VCL: variants seen among roughly 807,000 people sequenced by gnomAD.
The protein encoded by VCL is vinculin.
VCL carries 47 observed loss-of-function variants against 125.7 expected under a neutral mutation model. The observed-to-expected ratio is 0.37, with a 90% CI of 0.30 to 0.48. The LOEUF (loss-of-function observed/expected upper bound fraction) is 0.48, where lower values mean the gene tolerates loss of function less well. Ranked by LOEUF, VCL falls within the 20% of genes least tolerant of loss-of-function variation. VCL has a pLI of 0.99. For synonymous variants in VCL, 458 were observed against 514.6 expected (o/e 0.89, Z 1.49); for missense variants, 1,069 against 1,455.5 (o/e 0.73, Z 4.32).
chr10:74,018,201 T>TATATATATATATATATATATAA (rs1433937715), intron 1 of VCL, among the ~76,000 whole-genome samples: 80 of 139,740 alleles, frequency 5.7e-4, no homozygotes, highest in Middle Eastern at 3.7e-3. Flanking sequence ...TATATATATA[T>TATATATATATATATATATATAA]AAATACATAT....
Position 74,094,292 on chromosome 10 carries a change from G to A in VCL, c.1374G>A (p.Glu458=). 1 of 1,614,206 alleles carries A rather than the reference G, an allele frequency of 6.2e-7. No individual in the cohort carries two copies. The highest frequency in any genetic ancestry group is 8.5e-7 in the Non-Finnish European group (1 of 1,180,046). The part of the protein sequence containing the change: ...LRRQGKGDSP[E]ARALAKQVAT... ...GTAGGGGGAAAGGAGATTCTCCAGAGGCTCGAGCCTTGGCCAAACAGGTGG... is the reference window on the plus strand; with the variant it reads ...GTAGGGGGAAAGGAGATTCTCCAGAAGCTCGAGCCTTGGCCAAACAGGTGG... Residue 458 remains glutamate (E), a synonymous_variant, in exon 11 of 22, where the codon GAG becomes GAA. Transcript: ENST00000211998.
intron 1 of VCL, among the ~76,000 whole-genome samples, chr10:74,032,990 AAC>A (rs1427926069): frequency 6.6e-6 from 1 of 152,208 alleles, no homozygotes; most frequent in East Asian, 1.9e-4. Context: ...CAAATGGTTA[AAC>A]ATAGAGATAC....
chr10:74,035,566 C>A (rs947563564), intron 1 of VCL, among the ~76,000 whole-genome samples: 1 of 152,176 alleles, frequency 6.6e-6, no homozygotes, highest in African/African-American at 2.4e-5. Flanking sequence ...TCTCTTCCCA[C>A]CACCTAGTGG....
rs760340545 is a variant in VCL, at chr10:74,072,822, G to A, written c.592G>A (p.Val198Met). The A allele has an allele frequency of 1.1e-5, 18 of 1,614,008 alleles. No homozygotes were observed. The highest frequency in any genetic ancestry group is 8.3e-5 in the Admixed American group (5 of 60,004). The stretch of plus-strand genomic sequence containing the variant: ...GATGTTGGTGAACTCGATGAACACC[G>A]TGAAAGAGTTGCTGCCAGTTCTCAT... ...RVMLVNSMNT[V>M]KELLPVLISA... The change falls in exon 5 of 22, where the codon GTG (valine) becomes ATG (methionine). Residue 198 changes from valine (V) to methionine (M), a missense_variant. By Grantham distance (21) the Val-to-Met change is conservative. Around this residue, in one of 6 missense-constraint regions of VCL, gnomAD observed 760 missense variants for 928.9 expected, o/e 0.82. Coordinates refer to ENST00000211998, the MANE Select transcript of VCL (RefSeq NM_014000.3).
intron 1 of VCL, among the ~76,000 whole-genome samples, chr10:74,004,510 G>A (rs1176481126): frequency 1.3e-5 from 2 of 152,118 alleles, no homozygotes; most frequent in Non-Finnish European, 2.9e-5. Context: ...TTAAATATCA[G>A]TGGAGGTTTC....
chr10:74,107,304 C>A lies in VCL; in HGVS notation c.2509C>A (p.Pro837Thr). ...AVAKVREAFQ[P>T]QEPDFPPPPP... ...GGCCAAGGTCAGAGAAGCCTTCCAACCTCAGGAGCCTGACTTCCCGCCGCC... is the reference window on the plus strand; with the variant it reads ...GGCCAAGGTCAGAGAAGCCTTCCAAACTCAGGAGCCTGACTTCCCGCCGCC... The change falls in exon 17 of 22, where the codon CCT (proline) becomes ACT (threonine). Residue 837 changes from proline (P) to threonine (T), a missense_variant. This residue lies in a region of VCL where 760 missense variants were observed against 928.9 expected (regional missense o/e 0.82). Coordinates refer to ENST00000211998, the MANE Select transcript of VCL (RefSeq NM_014000.3). 1 of 1,614,210 alleles carries A rather than the reference C, an allele frequency of 6.2e-7. No homozygotes were observed. The highest frequency in any genetic ancestry group is 8.5e-7 in the Non-Finnish European group (1 of 1,180,034).
At chr10:74,076,879 A>C (rs1373009806) in intron 6 of VCL, 1 of 152,600 alleles carries the variant, frequency 6.6e-6, no homozygotes, top group East Asian at 1.9e-4. Context: ...TTTTAACCTT[A>C]ATGTTTCTCT....
chr10:74,091,979 G>GCAGT (rs1839896556), intron 10 of VCL, among the ~76,000 whole-genome samples: 1 of 151,842 alleles, frequency 6.6e-6, no homozygotes, highest in Non-Finnish European at 1.5e-5. Context: ...CGTGATCTTG[G>GCAGT]CTCACTGCAT....
chr10:74,019,393 C>T (rs7090820), intron 1 of VCL, among the ~76,000 whole-genome samples: 16 of 151,968 alleles, frequency 1.1e-4, no homozygotes, highest in Non-Finnish European at 2.4e-4. Context: ...TCCTAATGCT[C>T]TCCCTCCCCT....
At chr10:74,054,328 G>A (rs1018888451) in intron 2 of VCL, among the ~76,000 whole-genome samples, 2 of 152,166 alleles carry the variant, frequency 1.3e-5, no homozygotes, top group African/African-American at 4.8e-5. Context: ...GTGGTTACAA[G>A]TTTGTGATTC....
At chr10:74,052,465 C>T (rs550319929) in intron 2 of VCL, among the ~76,000 whole-genome samples, 1 of 150,900 alleles carries the variant, frequency 6.6e-6, no homozygotes, top group African/African-American at 2.4e-5. Context: ...CAACCTCCCC[C>T]TCTAGGGCTC....
intron 18 of VCL, 107 bp downstream of exon 18, chr10:74,109,263 T>A: frequency 7.2e-7 from 1 of 1,384,486 alleles, no homozygotes; most frequent in African/African-American, 1.4e-5. Context: ...CCTCTCTCTC[T>A]CCTTTGGTTC....
chr10:74,081,905 A>G (rs944274161), intron 6 of VCL, among the ~76,000 whole-genome samples: 2 of 152,236 alleles, frequency 1.3e-5, no homozygotes, highest in Admixed American at 6.5e-5. Flanking sequence ...ATTAAAATTA[A>G]ACTGCTAGAT....
rs1174727452 is a variant in VCL, at chr10:74,010,648, TA to T, written c.168+12284del. 8.3e-4 allele frequency among the ~76,000 whole-genome samples: 121 copies of T among 145,586 alleles called. 1 individual carries two copies. The highest frequency in any genetic ancestry group is 6.5e-3 in the East Asian group (33 of 5,058). On this transcript the variant is annotated intron_variant, in intron 1 of 21. Coordinates refer to ENST00000211998, the MANE Select transcript of VCL (RefSeq NM_014000.3). Reference sequence around the variant, plus strand: ...ACCAGCTCTTATCCTTTTCACCGTTTAAAAAAAAAAACAAACAAAAACAAAA... The same window carrying T: ...ACCAGCTCTTATCCTTTTCACCGTTTAAAAAAAAAACAAACAAAAACAAAA...
chr10:74,070,887 T>A (rs1480498648), intron 3 of VCL, 67 bp downstream of exon 3: 3 of 1,612,184 alleles, frequency 1.9e-6, no homozygotes, highest in Admixed American at 1.7e-5. Flanking sequence ...TTGTTTAGAA[T>A]GAAAATATGT....
chr10:74,067,487 T>C (rs752858990), intron 2 of VCL, among the ~76,000 whole-genome samples: 1 of 152,150 alleles, frequency 6.6e-6, no homozygotes, highest in Non-Finnish European at 1.5e-5. Flanking sequence ...AAATCAAACA[T>C]GGAATTACTA....
At position 74,074,770 on chromosome 10, in the gene VCL, A is replaced by C. The variant is rs1487271125; in HGVS notation, c.650A>C (p.Asn217Thr). ...SAMKIFVTTK[N>T]SKNQGIEEAL... ...ATGAAGATTTTTGTAACAACTAAAAACTCAAAAAACCAAGGCATAGAGGAA... is the reference window on the plus strand; with the variant it reads ...ATGAAGATTTTTGTAACAACTAAAACCTCAAAAAACCAAGGCATAGAGGAA... Residue 217 changes from asparagine to threonine, a missense_variant, in exon 6 of 22, where the codon AAC becomes ACC. Physicochemically the swap from Asn to Thr is moderately conservative, Grantham distance 65 (BLOSUM62 0). This residue lies in a region of VCL where 760 missense variants were observed against 928.9 expected (regional missense o/e 0.82). Coordinates refer to ENST00000211998, the MANE Select transcript of VCL (RefSeq NM_014000.3). The C allele has an allele frequency of 1.2e-6, 2 of 1,613,326 alleles. No homozygotes were observed. The highest frequency in any genetic ancestry group is 1.7e-6 in the Non-Finnish European group (2 of 1,179,860).
intron 13 of VCL, 109 bp from the exon 14 acceptor site, chr10:74,100,838 TC>T: frequency 7.6e-7 from 1 of 1,315,100 alleles, no homozygotes; most frequent in Non-Finnish European, 1.1e-6. Context: ...TGATGTCATC[TC>T]TAAAGTCTTT....
Position 74,043,143 on chromosome 10 carries a change from G to C in VCL, c.229G>C (p.Ala77Pro). The C allele has an allele frequency of 6.2e-7, 1 of 1,613,034 alleles. No homozygotes were observed. The highest frequency in any genetic ancestry group is 8.5e-7 in the Non-Finnish European group (1 of 1,179,352). ...DQILKRDMPPAFIKVENACTK... is the reference protein window; with the variant it reads ...DQILKRDMPPPFIKVENACTK... Reference sequence around the variant, plus strand: ...GATTTTGAAGAGAGATATGCCACCAGCATTTATTAAGTGAGTAATTGAAAT... The same window carrying C: ...GATTTTGAAGAGAGATATGCCACCACCATTTATTAAGTGAGTAATTGAAAT... Residue 77 changes from alanine to proline, a missense_variant, in exon 2 of 22, where the codon GCA becomes CCA. Coordinates refer to ENST00000211998, the MANE Select transcript of VCL (RefSeq NM_014000.3).
Sources: allele counts gnomAD v4.1 joint callset (sites outside exome capture counted in the v4.1 genomes callset), GRCh38; gene constraint gnomAD v4.1.1; regional missense constraint gnomAD v4.1.1; transcripts MANE v1.5; gene names NCBI Gene and HGNC (gene_info 2026-07-23, HGNC 2026-07-21).